Variants in PRH1 observed in about 807,000 individuals in gnomAD.
The protein encoded by PRH1 is proline rich protein HaeIII subfamily 1.
PRH1 carries 7 observed loss-of-function variants against 7.9 expected under a neutral mutation model. The ratio of observed to expected loss-of-function variants is 0.89; its 90% CI spans 0.50 to 1.67. The LOEUF is 1.67. Among genes scored for constraint, PRH1 ranks in the 40% most tolerant of loss-of-function variants. The probability of loss-of-function intolerance (pLI) is 0.00; values close to 1 mark genes in which losing one functional copy is unlikely to be tolerated. For missense variants in PRH1, 109 were observed against 223.6 expected (o/e 0.49, Z 3.27); for synonymous variants, 45 against 80.8 (o/e 0.56, Z 2.38).
intron 2 of PRH1, among the ~76,000 whole-genome samples, chr12:10,970,668 G>A (rs866368904): frequency 2.2e-4 from 33 of 151,836 alleles, no homozygotes; most frequent in Middle Eastern, 3.4e-3. Flanking sequence ...AGGTTGAAGC[G>A]ATTCTCCTGC....
In PRH1 at chr12:11,077,846, G is replaced by A. The variant is rs1944347660; in HGVS notation, n.124-30658C>T. ...ATCAAAAATACCAAGGGACCCAACA[G>A]TATCACCAGAACAACACTCCTAATT... On this transcript the variant is annotated intron_variant and non_coding_transcript_variant, in intron 1 of 4. Coordinates refer to the PRH1 transcript ENST00000541977. 13 of 1,021,384 alleles carry A rather than the reference G, an allele frequency of 1.3e-5. 1 individual carries two copies. Among genetic ancestry groups the A allele is most frequent in the African/African-American group, 4.6e-5 (3 of 65,090 alleles). 63.3% of individuals were successfully genotyped at this position (1,021,384 alleles called of 1,614,324 possible). A position where few individuals can be genotyped will look rare whatever the true frequency, so the allele number is the denominator to read the frequency against.
At chr12:11,133,224 A>G (rs1946425269) in intron 1 of PRH1, 4 of 1,534,910 alleles carry the variant, frequency 2.6e-6, no homozygotes, top group Middle Eastern at 3.5e-4. Context: ...TCATATACAT[A>G]TATTACAGAA....
chr12:11,039,463 A>G (rs559339450), intron 1 of PRH1, among the ~76,000 whole-genome samples: 67 of 152,342 alleles, frequency 4.4e-4, no homozygotes, highest in African/African-American at 1.6e-3. Context: ...TCGTTGTTGA[A>G]GTAAAACCTG....
intron 1 of PRH1, among the ~76,000 whole-genome samples, chr12:11,129,635 A>C (rs1283553158): frequency 6.6e-6 from 1 of 152,294 alleles, no homozygotes; most frequent in Non-Finnish European, 1.5e-5. Flanking sequence ...AATGCTTTCC[A>C]GGATGTGCTA....
intron 1 of PRH1, chr12:10,997,667 A>G: frequency 6.2e-7 from 1 of 1,613,218 alleles, no homozygotes; most frequent in Non-Finnish European, 8.5e-7. Context: ...TGGATTCAAC[A>G]CAGTTGAATA....
chr12:10,903,425 C>A (rs1949751415), intron 2 of PRH1, among the ~76,000 whole-genome samples: 1 of 151,804 alleles, frequency 6.6e-6, no homozygotes, highest in South Asian at 2.1e-4. Flanking sequence ...ACTTCAACAC[C>A]CCACTGAGAA....
rs1382919987 is a variant in PRH1 at position 10,908,834 on chromosome 12, C to A, written c.-58-24559G>T. The A allele has an allele frequency of 3.7e-5, 60 of 1,613,570 alleles. No homozygotes were observed. Among genetic ancestry groups the A allele is most frequent in the Non-Finnish European group, 5.0e-5 (59 of 1,179,884 alleles). Reference sequence around the variant, plus strand: ...TTGTGTTTCTTTCATATCGGTCCAGCCAGTCTTTTATATGCATGTTTATTT... The same window carrying A: ...TTGTGTTTCTTTCATATCGGTCCAGACAGTCTTTTATATGCATGTTTATTT... On this transcript the variant is annotated intron_variant, in intron 2 of 3. Coordinates refer to the PRH1 transcript ENST00000539853.
At chr12:11,082,756 C>A (rs796851641) in intron 1 of PRH1, among the ~76,000 whole-genome samples, 46 of 100,538 alleles carry the variant, frequency 4.6e-4, no homozygotes, top group Non-Finnish European at 6.1e-4. Flanking sequence ...AAGTGACCTC[C>A]AGCAAAGAAT....
chr12:11,016,473 C>T (rs935099002), intron 1 of PRH1, among the ~76,000 whole-genome samples: 11 of 152,176 alleles, frequency 7.2e-5, no homozygotes, highest in African/African-American at 2.7e-4. Context: ...GTGAGTACCA[C>T]CATGCCAAAC....
intron 1 of PRH1, among the ~76,000 whole-genome samples, chr12:11,059,562 T>C (rs1351790652): frequency 3.4e-5 from 5 of 148,668 alleles, no homozygotes; most frequent in Non-Finnish European, 6.0e-5. Context: ...AAAATACATA[T>C]TCAAATAGAC....
chr12:11,034,650 C>G (rs879221270), intron 1 of PRH1: 2 of 151,232 alleles, frequency 1.3e-5, no homozygotes, highest in South Asian at 4.2e-4. Flanking sequence ...CAGGGTAGCT[C>G]ACACCCATAA....
At chr12:11,061,404 C>G in intron 1 of PRH1, 1 of 1,613,900 alleles carries the variant, frequency 6.2e-7, no homozygotes, top group South Asian at 1.1e-5. Context: ...CCCAGTACCT[C>G]ACATGCCACA....
chr12:11,121,544 T>A (rs546566401), intron 1 of PRH1, among the ~76,000 whole-genome samples: 1 of 152,108 alleles, frequency 6.6e-6, no homozygotes, highest in African/African-American at 2.4e-5. Flanking sequence ...GTGGAAGAAA[T>A]CTCTTTTCTA....
chr12:10,973,924 TG>T (rs1304823374), intron 1 of PRH1, among the ~76,000 whole-genome samples: 1 of 152,244 alleles, frequency 6.6e-6, no homozygotes, highest in African/African-American at 2.4e-5. Flanking sequence ...AAAATGTATC[TG>T]GAAATGCCAA....
intron 2 of PRH1, chr12:10,937,722 A>G (rs1950312126): frequency 1.3e-5 from 2 of 152,266 alleles, no homozygotes; most frequent in African/African-American, 4.8e-5. Context: ...TGCAAAGCCA[A>G]GAGAATGAGC....
At chr12:11,003,055 T>C (rs1313924187) in intron 1 of PRH1, among the ~76,000 whole-genome samples, 1 of 151,998 alleles carries the variant, frequency 6.6e-6, no homozygotes, top group Non-Finnish European at 1.5e-5. Flanking sequence ...TGCAATATAG[T>C]TGTTCAAAAT....
At chr12:11,091,115 C>CACATATATATATATATATATATAT (rs751016037) in intron 1 of PRH1, among the ~76,000 whole-genome samples, 26 of 25,120 alleles carry the variant, frequency 1.0e-3, no homozygotes, top group South Asian at 1.9e-3. Context: ...CACACACACA[C>CACATATATATATATATATATATAT]ATATATATAT....
chr12:11,109,437 G>A (rs755117965), intron 1 of PRH1, among the ~76,000 whole-genome samples: 5 of 152,198 alleles, frequency 3.3e-5, no homozygotes, highest in Middle Eastern at 3.4e-3. Flanking sequence ...GACATCTGGC[G>A]GGTAACCCTC....
chr12:10,988,408 G>C (rs1482552846), intron 1 of PRH1, among the ~76,000 whole-genome samples: 1 of 152,082 alleles, frequency 6.6e-6, no homozygotes, highest in Non-Finnish European at 1.5e-5. Flanking sequence ...AAAAATGTTT[G>C]AAAGGATTTG....
Sources: gnomAD v4.1 joint callset for allele counts (sites outside exome capture counted in the v4.1 genomes callset) on GRCh38, gnomAD v4.1.1 for gene constraint, MANE v1.5 for transcripts, NCBI Gene and HGNC (gene_info 2026-07-23, HGNC 2026-07-21) for gene names.